NRK: variants seen among roughly 807,000 people sequenced by gnomAD.
NRK encodes nik-related protein kinase.
A neutral mutation model predicts 125.2 loss-of-function variants in NRK; 67 were observed. The observed-to-expected ratio is 0.54, with a 90% CI of 0.44 to 0.66. The LOEUF (loss-of-function observed/expected upper bound fraction) is 0.66, where lower values mean the gene tolerates loss of function less well. NRK is among the 30% of genes least tolerant of loss of function. The probability of loss-of-function intolerance (pLI) is 0.00; values close to 1 mark genes in which losing one functional copy is unlikely to be tolerated. For synonymous variants in NRK, 458 were observed against 429.0 expected, an observed-to-expected ratio of 1.07 and a Z score of -0.84; for missense variants, 1,224 against 1,192.9, an observed-to-expected ratio of 1.03 and a Z score of -0.38.
intron 1 of NRK, among the ~76,000 whole-genome samples, chrX:105,823,706 C>T (rs1372952750): frequency 7.2e-5 from 8 of 111,420 alleles, no homozygotes; most frequent in Admixed American, 9.5e-5. Context: ...ATTTTGGCAG[C>T]GCAGTTTATT....
intron 2 of NRK, among the ~76,000 whole-genome samples, chrX:105,877,632 T>G (rs1421570594): frequency 1.8e-5 from 2 of 111,122 alleles, no homozygotes; most frequent in Non-Finnish European, 3.8e-5. Context: ...CACATTTCTA[T>G]GATCTATTGT....
At chrX:105,882,621 T>C (rs1190175130) in intron 4 of NRK, among the ~76,000 whole-genome samples, 2 of 111,548 alleles carry the variant, frequency 1.8e-5, no homozygotes, top group Non-Finnish European at 3.8e-5. Context: ...TGTGACTTAG[T>C]AAATATGTCT....
rs1371338656 is a variant in NRK at position 105,939,915 on chromosome X, A to G, written c.3841A>G (p.Arg1281Gly). 8.4e-7 allele frequency: 1 copy of G among 1,193,018 alleles called. No individual in the cohort carries two copies. Among genetic ancestry groups the G allele is most frequent in the African/African-American group, 1.7e-5 (1 of 57,512 alleles). Residue 1281 changes from arginine to glycine, a missense_variant, in exon 23 of 29, where the codon AGG becomes GGG. Arg to Gly is a moderately radical substitution (Grantham distance 125). Transcript: ENST00000243300. ...RLRVYHLTWL[R>G]NKILNNDPES... is the part of the protein sequence containing the mutation. ...TCGGGTGTATCATCTGACCTGGTTGAGGAACAAGATTTTGAATAATGATCC... is the reference window on the plus strand; with the variant it reads ...TCGGGTGTATCATCTGACCTGGTTGGGGAACAAGATTTTGAATAATGATCC...
chrX:105,950,443 AT>A (rs2040875816), intron 27 of NRK, among the ~76,000 whole-genome samples: 1 of 109,930 alleles, frequency 9.1e-6, no homozygotes, highest in Non-Finnish European at 1.9e-5. Context: ...AAGTAAATAT[AT>A]TAGAGAGAGT....
chrX:105,844,829 A>C lies in NRK; in HGVS notation c.123+13710A>C, dbSNP rs1334131698. On this transcript the variant is annotated intron_variant, in intron 2 of 28. Coordinates refer to ENST00000243300, the MANE Select transcript of NRK (RefSeq NM_198465.4). Reference sequence around the variant, plus strand: ...GAGGCTGAGCTGTAAAGCCTTCCTCACTCTACAAAACAGGAGAATTTATGA... The same window carrying C: ...GAGGCTGAGCTGTAAAGCCTTCCTCCCTCTACAAAACAGGAGAATTTATGA... Among the ~76,000 whole-genome samples, 6 of 111,809 alleles carry C rather than the reference A, an allele frequency of 5.4e-5. No individual in the cohort carries two copies. In the Admixed American group the frequency reaches 5.7e-4, roughly 11 times the overall value.
chrX:105,903,260 A>G (rs918958524), intron 9 of NRK, among the ~76,000 whole-genome samples: 3 of 110,524 alleles, frequency 2.7e-5, no homozygotes, highest in African/African-American at 9.9e-5. Context: ...TCTCCTTGAT[A>G]TTGTAGATCA....
chrX:105,879,259 T>C (rs958151900), intron 2 of NRK, among the ~76,000 whole-genome samples: 5 of 110,935 alleles, frequency 4.5e-5, no homozygotes, highest in African/African-American at 9.8e-5. Flanking sequence ...AGGTCACATT[T>C]TGAGGTTCCA....
intron 27 of NRK, 47 bp from the exon 28 acceptor site, chrX:105,952,986 GC>G: frequency 9.8e-7 from 1 of 1,022,108 alleles, no homozygotes; most frequent in South Asian, 2.9e-5. Flanking sequence ...TTCTATGATG[GC>G]CAGAAAGATT....
chrX:105,955,389 A>T, intron 28 of NRK, 116 bp from the exon 29 acceptor site: 1 of 407,276 alleles, frequency 2.5e-6, no homozygotes, highest in East Asian at 3.9e-5. Flanking sequence ...ACTATTCCAC[A>T]AAACAGTAAG....
At chrX:105,826,989 C>A (rs1377668661) in intron 1 of NRK, among the ~76,000 whole-genome samples, 3 of 111,470 alleles carry the variant, frequency 2.7e-5, no homozygotes, top group Non-Finnish European at 5.6e-5. Flanking sequence ...GATTTTGGGA[C>A]CCATGATCAA....
chrX:105,858,693 G>A (rs778447865), intron 2 of NRK, among the ~76,000 whole-genome samples: 2 of 111,143 alleles, frequency 1.8e-5, no homozygotes, highest in Non-Finnish European at 3.8e-5. Context: ...TGATTTGGGG[G>A]AAGGGTAGGA....
At chrX:105,952,517 C>CTTA (rs1234337615) in intron 27 of NRK, among the ~76,000 whole-genome samples, 1 of 112,183 alleles carries the variant, frequency 8.9e-6, no homozygotes, top group African/African-American at 3.2e-5. Flanking sequence ...TTTGGTTCTG[C>CTTA]TTACAACATG....
At chrX:105,880,552 A>G (rs920297849) in intron 3 of NRK, among the ~76,000 whole-genome samples, 1 of 110,935 alleles carries the variant, frequency 9.0e-6, no homozygotes, top group Non-Finnish European at 1.9e-5. Context: ...CTAGTTGACT[A>G]TTTGTTTCCA....
chrX:105,933,039 A>G (rs1372040482), intron 19 of NRK, among the ~76,000 whole-genome samples: 1 of 111,445 alleles, frequency 9.0e-6, no homozygotes, highest in African/African-American at 3.3e-5. Flanking sequence ...GACATGGCAT[A>G]TGATAGGCAC....
chrX:105,872,428 A>G (rs756961904), intron 2 of NRK, among the ~76,000 whole-genome samples: 29 of 112,087 alleles, frequency 2.6e-4, no homozygotes, highest in Non-Finnish European at 3.4e-4. Flanking sequence ...GAGGATCTCA[A>G]AAACAGGCTA....
intron 26 of NRK, chrX:105,948,642 G>T: frequency 2.0e-6 from 1 of 498,850 alleles, no homozygotes; most frequent in Admixed American, 2.8e-5. Flanking sequence ...AATTGCTCAT[G>T]CAAGTGCCCA....
intron 2 of NRK, among the ~76,000 whole-genome samples, chrX:105,848,846 T>C (rs2039433580): frequency 8.9e-6 from 1 of 112,588 alleles, no homozygotes; most frequent in Admixed American, 9.4e-5. Flanking sequence ...TCTGGAGATA[T>C]GTTAATGATT....
intron 28 of NRK, among the ~76,000 whole-genome samples, chrX:105,954,086 T>A (rs769951620): frequency 9.0e-6 from 1 of 111,196 alleles, no homozygotes; most frequent in Admixed American, 9.6e-5. Context: ...AGTTCCTTCA[T>A]CTCCAAAATA....
In NRK at chrX:105,906,519, A is replaced by C. The variant is rs776256892; in HGVS notation, c.951A>C (p.Lys317Asn). Residue 317 changes from lysine (K) to asparagine (N), a missense_variant, in exon 11 of 29, where the codon AAA becomes AAC. Lys to Asn is a moderately conservative substitution (Grantham distance 94). Coordinates refer to ENST00000243300, the MANE Select transcript of NRK (RefSeq NM_198465.4). ...MLQHPFVRDI[K>N]NERHVVESLT... ...AACACCCATTTGTTCGGGATATAAAAAATGAACGACATGTTGTTGAGTCAT... is the reference window on the plus strand; with the variant it reads ...AACACCCATTTGTTCGGGATATAAACAATGAACGACATGTTGTTGAGTCAT... 4.3e-6 allele frequency: 5 copies of C among 1,166,768 alleles called. No homozygotes were observed. The highest frequency in any genetic ancestry group is 5.8e-6 in the Non-Finnish European group (5 of 864,791).
Sources: allele counts gnomAD v4.1 joint callset (sites outside exome capture counted in the v4.1 genomes callset), GRCh38; gene constraint gnomAD v4.1.1; transcripts MANE v1.5; gene names NCBI Gene and HGNC (gene_info 2026-07-23, HGNC 2026-07-21).